Variants in TLN2 observed in about 807,000 individuals in gnomAD.
The protein encoded by TLN2 is talin-2.
Under a neutral mutation model 294.7 loss-of-function variants are expected in TLN2, and 118 were observed. The observed-to-expected ratio is 0.40, with a 90% CI of 0.34 to 0.47. The LOEUF (loss-of-function observed/expected upper bound fraction) is 0.47. Ranked by LOEUF, TLN2 falls within the 20% of genes least tolerant of loss-of-function variation. TLN2 has a pLI of 0.84. For synonymous variants in TLN2, 1,431 were observed against 1,304.5 expected, an observed-to-expected ratio of 1.10 and a Z score of -2.09; for missense variants, 3,083 against 3,282.2, an observed-to-expected ratio of 0.94 and a Z score of 1.48.
At chr15:62,435,852 T>C (rs2035263884) in intron 1 of TLN2, among the ~76,000 whole-genome samples, 1 of 152,248 alleles carries the variant, frequency 6.6e-6, no homozygotes, top group Admixed American at 6.5e-5. Context: ...TTGCTGTTTA[T>C]GTATTATGGA....
rs143818218 is a variant in TLN2, at chr15:62,528,614, A to G, written c.-237-61073A>G. 4.4e-3 allele frequency among the ~76,000 whole-genome samples: 651 copies of G among 147,136 alleles called. 1 individual carries two copies. Among genetic ancestry groups the G allele is most frequent in the South Asian group, 0.015 (69 of 4,504 alleles). On this transcript the variant is annotated intron_variant, in intron 1 of 58. Coordinates refer to ENST00000636159, the MANE Select transcript of TLN2 (RefSeq NM_015059.3). Reference sequence around the variant, plus strand: ...CCTCTGTTAGAGAAATGCAGGGGCTATGTCTGGCAAAGGTATCACTTATTG... The same window carrying G: ...CCTCTGTTAGAGAAATGCAGGGGCTGTGTCTGGCAAAGGTATCACTTATTG...
intron 1 of TLN2, among the ~76,000 whole-genome samples, chr15:62,447,209 G>T (rs2035867275): frequency 6.6e-6 from 1 of 151,786 alleles, no homozygotes; most frequent in Non-Finnish European, 1.5e-5. Flanking sequence ...TTCACTACTT[G>T]AATGAATGCA....
At chr15:62,526,492 C>T (rs1324809326) in intron 1 of TLN2, among the ~76,000 whole-genome samples, 2 of 152,208 alleles carry the variant, frequency 1.3e-5, no homozygotes, top group African/African-American at 4.8e-5. Flanking sequence ...CTCACAGTCC[C>T]TTCTGAGCCC....
chr15:62,582,166 C>G (rs1260899237), intron 1 of TLN2, among the ~76,000 whole-genome samples: 3 of 140,686 alleles, frequency 2.1e-5, no homozygotes, highest in African/African-American at 7.7e-5. Flanking sequence ...TAGAATCAGC[C>G]AGCCATAACT....
intron 5 of TLN2, among the ~76,000 whole-genome samples, chr15:62,650,425 G>T (rs2052460385): frequency 6.6e-6 from 1 of 152,156 alleles, no homozygotes; most frequent in Non-Finnish European, 1.5e-5. Flanking sequence ...GTCGTTGTTG[G>T]ATTTGGTAAT....
intron 3 of TLN2, chr15:62,640,147 G>A (rs1010390342): frequency 6.6e-6 from 3 of 455,226 alleles, no homozygotes; most frequent in East Asian, 6.9e-5. Context: ...CCCAGTGCAT[G>A]GTGGGTTCTT....
At chr15:62,820,748 C>T (rs2067494011) in intron 54 of TLN2, 138 bp downstream of exon 54, 2 of 1,118,320 alleles carry the variant, frequency 1.8e-6, no homozygotes, top group Middle Eastern at 3.1e-4. Flanking sequence ...CCGGATCTAC[C>T]TGCCCGGCAC....
chr15:62,453,347 A>G (rs1218021910), intron 1 of TLN2, among the ~76,000 whole-genome samples: 1 of 151,754 alleles, frequency 6.6e-6, no homozygotes, highest in African/African-American at 2.4e-5. Context: ...TTTGTTCTTC[A>G]GAGAAACAAG....
At chr15:62,470,064 A>C (rs977777877) in intron 1 of TLN2, among the ~76,000 whole-genome samples, 2 of 152,212 alleles carry the variant, frequency 1.3e-5, no homozygotes, top group African/African-American at 2.4e-5. Flanking sequence ...GCTCAGGAAA[A>C]GTAAAGGCCT....
chr15:62,634,077 G>T (rs1334254598), intron 3 of TLN2, among the ~76,000 whole-genome samples: 1 of 152,208 alleles, frequency 6.6e-6, no homozygotes, highest in Non-Finnish European at 1.5e-5. Context: ...CTGTAAAGGT[G>T]CCATCTTCAA....
At chr15:62,555,145 G>C (rs962715178) in intron 1 of TLN2, among the ~76,000 whole-genome samples, 2 of 152,160 alleles carry the variant, frequency 1.3e-5, no homozygotes, top group Non-Finnish European at 2.9e-5. Context: ...TTTGAAGTGC[G>C]AAGCTTTTCC....
intron 2 of TLN2, among the ~76,000 whole-genome samples, chr15:62,605,082 T>C (rs141807067): frequency 2.0e-5 from 3 of 152,318 alleles, no homozygotes; most frequent in Non-Finnish European, 2.9e-5. Context: ...TGCATTTTCA[T>C]ATAATGGAAA....
At chr15:62,462,182 C>T (rs539118427) in intron 1 of TLN2, among the ~76,000 whole-genome samples, 29 of 152,242 alleles carry the variant, frequency 1.9e-4, no homozygotes, top group South Asian at 8.3e-4. Context: ...TGCAGTGAGC[C>T]GAGATTGCGG....
At chr15:62,474,047 CAT>C (rs895909413) in intron 1 of TLN2, among the ~76,000 whole-genome samples, 2 of 152,188 alleles carry the variant, frequency 1.3e-5, no homozygotes, top group African/African-American at 2.4e-5. Flanking sequence ...TGAGCCCAGA[CAT>C]GTGCCTTTGA....
At chr15:62,462,823 C>T (rs889571012) in intron 1 of TLN2, among the ~76,000 whole-genome samples, 1 of 152,154 alleles carries the variant, frequency 6.6e-6, no homozygotes, top group Non-Finnish European at 1.5e-5. Flanking sequence ...CTCTTTCCCT[C>T]GTTCATTGCC....
Position 62,702,175 on chromosome 15 carries a change from A to C in TLN2, c.1880A>C (p.Lys627Thr). 1 of 1,606,864 alleles carries C rather than the reference A, an allele frequency of 6.2e-7. No individual in the cohort carries two copies. The highest frequency in any genetic ancestry group is 8.5e-7 in the Non-Finnish European group (1 of 1,176,344). The change falls in exon 18 of 59, where the codon AAA becomes ACA. Residue 627 changes from lysine (K) to threonine (T), a missense_variant. Lys to Thr is a moderately conservative substitution (Grantham distance 78). Coordinates refer to ENST00000636159, the MANE Select transcript of TLN2 (RefSeq NM_015059.3). Reference protein sequence around the residue: ...TLAGAVSDLLKAVQPTSGEPR... With the variant: ...TLAGAVSDLLTAVQPTSGEPR... ...GCTGGGGCGGTGTCAGACTTGCTGA[A>C]AGCTGTGCAGCCTACTTCTGGAGAG...
At chr15:62,432,669 A>T (rs2140291954) in intron 1 of TLN2, among the ~76,000 whole-genome samples, 1 of 152,300 alleles carries the variant, frequency 6.6e-6, no homozygotes, top group South Asian at 2.1e-4. Flanking sequence ...GGGTTCTTAG[A>T]GGTGAAGAAA....
intron 1 of TLN2, among the ~76,000 whole-genome samples, chr15:62,575,311 C>G (rs1411957861): frequency 6.6e-6 from 1 of 152,100 alleles, no homozygotes; most frequent in East Asian, 1.9e-4. Context: ...CAGAGCAAGA[C>G]CCTATCTCCA....
chr15:62,602,889 T>A (rs545430471), intron 2 of TLN2, among the ~76,000 whole-genome samples: 1,938 of 151,438 alleles, frequency 0.013, 42 homozygotes, highest in African/African-American at 0.045. Context: ...TTTAAATTTT[T>A]ATTTTTATTT....
Sources: gnomAD v4.1 joint callset for allele counts (sites outside exome capture counted in the v4.1 genomes callset) on GRCh38, gnomAD v4.1.1 for gene constraint, MANE v1.5 for transcripts, NCBI Gene and HGNC (gene_info 2026-07-23, HGNC 2026-07-21) for gene names.